Variants in PPP2R5E observed in about 807,000 individuals in gnomAD.
The protein encoded by PPP2R5E is serine/threonine-protein phosphatase 2A 56 kDa regulatory subunit epsilon isoform.
A neutral mutation model predicts 65.3 loss-of-function variants in PPP2R5E; 4 were observed. The observed-to-expected ratio is 0.06, with a 90% confidence interval of 0.03 to 0.14. The LOEUF (loss-of-function observed/expected upper bound fraction) is 0.14. Ranked by LOEUF, PPP2R5E falls within the 10% of genes least tolerant of loss-of-function variation. The pLI, the probability that PPP2R5E is intolerant of heterozygous loss-of-function variation, is 1.00. For missense variants in PPP2R5E, 274 were observed against 556.1 expected (o/e 0.49, Z 5.10); for synonymous variants, 183 against 187.4 (o/e 0.98, Z 0.19).
Position 63,391,958 on chromosome 14 carries a change from G to GA in PPP2R5E, c.903+13dup. ...TTTTTCTTAAGTTTTTGAAATTATG[G>GA]AAAAAAGACTTACTGGTTCTGTGAG... On this transcript the variant is annotated intron_variant, in intron 9 of 13. Coordinates refer to ENST00000337537, the MANE Select transcript of PPP2R5E (RefSeq NM_006246.5). 1 of 1,607,572 alleles carries GA rather than the reference G, an allele frequency of 6.2e-7. No individual in the cohort carries two copies.
intron 3 of PPP2R5E, among the ~76,000 whole-genome samples, chr14:63,425,861 T>G (rs1256734375): frequency 6.6e-6 from 1 of 152,250 alleles, no homozygotes; most frequent in African/African-American, 2.4e-5. Flanking sequence ...TCTAATCTTC[T>G]GACTTAGTCA....
chr14:63,467,119 G>A (rs765432048), intron 2 of PPP2R5E, among the ~76,000 whole-genome samples: 1 of 151,572 alleles, frequency 6.6e-6, no homozygotes, highest in Admixed American at 6.6e-5. Flanking sequence ...CCAGCTACTC[G>A]GGAGGCTGAG....
chr14:63,399,022 A>G (rs1885576459), intron 5 of PPP2R5E, among the ~76,000 whole-genome samples: 2 of 152,226 alleles, frequency 1.3e-5, no homozygotes, highest in Admixed American at 1.3e-4. Flanking sequence ...TCATGTATAT[A>G]TCCAGCAGAA....
At chr14:63,475,279 A>T (rs1434719733) in intron 2 of PPP2R5E, among the ~76,000 whole-genome samples, 4 of 152,350 alleles carry the variant, frequency 2.6e-5, no homozygotes, top group Non-Finnish European at 5.9e-5. Context: ...GCTCTGGGCC[A>T]CATTATATCT....
intron 4 of PPP2R5E, among the ~76,000 whole-genome samples, chr14:63,421,770 T>C (rs779299550): frequency 2.0e-5 from 3 of 152,236 alleles, no homozygotes; most frequent in Non-Finnish European, 2.9e-5. Flanking sequence ...TGGCTGTACC[T>C]GCAACGTGGG....
intron 13 of PPP2R5E, 113 bp downstream of exon 13, chr14:63,381,943 A>C (rs1884390565): frequency 1.3e-6 from 1 of 769,274 alleles, no homozygotes. Context: ...GCATGACTGT[A>C]AACAAAATTG....
chr14:63,430,421 G>GCATACATACATACATACATACATACATA (rs1173499980), intron 3 of PPP2R5E, among the ~76,000 whole-genome samples: 3 of 144,072 alleles, frequency 2.1e-5, no homozygotes, highest in African/African-American at 7.9e-5. Flanking sequence ...ATACATACAT[G>GCATACATACATACATACATACATACATA]CATACATACA....
At chr14:63,518,391 A>G (rs1457987038) in intron 2 of PPP2R5E, among the ~76,000 whole-genome samples, 1 of 151,480 alleles carries the variant, frequency 6.6e-6, no homozygotes, top group Non-Finnish European at 1.5e-5. Flanking sequence ...ACAGGTATAC[A>G]TCACCATGCC....
intron 5 of PPP2R5E, among the ~76,000 whole-genome samples, chr14:63,400,784 AATCCACCC>A (rs1166783142): frequency 6.6e-6 from 1 of 151,760 alleles, no homozygotes; most frequent in East Asian, 1.9e-4. Flanking sequence ...CCACCTACCC[AATCCACCC>A]ATCCACCCAT....
intron 2 of PPP2R5E, among the ~76,000 whole-genome samples, chr14:63,466,288 A>C (rs2139534169): frequency 6.8e-6 from 1 of 147,924 alleles, no homozygotes; most frequent in East Asian, 1.9e-4. Flanking sequence ...AAAAAAAAAC[A>C]ACAACAAGAG....
chr14:63,403,061 G>A (rs947441062), intron 5 of PPP2R5E, among the ~76,000 whole-genome samples: 3 of 152,162 alleles, frequency 2.0e-5, no homozygotes, highest in Admixed American at 1.3e-4. Flanking sequence ...ACTGGAAGCT[G>A]GAAAACAATG....
chr14:63,536,588 T>C (rs532383429), intron 2 of PPP2R5E, among the ~76,000 whole-genome samples: 1 of 152,318 alleles, frequency 6.6e-6, no homozygotes, highest in South Asian at 2.1e-4. Context: ...CACAGCAGCA[T>C]TATTCACAAT....
rs145691954 is a variant in PPP2R5E at position 63,407,085 on chromosome 14, T to G, written c.549+8055A>C. Among the ~76,000 whole-genome samples, 100 of 152,334 alleles carry G rather than the reference T, an allele frequency of 6.6e-4. No homozygotes were observed. In the East Asian group the frequency reaches 0.018, roughly 27 times the overall value. On this transcript the variant is annotated intron_variant, in intron 5 of 13. Transcript: ENST00000337537. ...TTGGGAATACTTCTGAGAGTTTGTATAGGTATTTAGTTGTTAAATCTCCAC... is the reference window on the plus strand; with the variant it reads ...TTGGGAATACTTCTGAGAGTTTGTAGAGGTATTTAGTTGTTAAATCTCCAC...
At chr14:63,462,232 G>C (rs545880133) in intron 2 of PPP2R5E, among the ~76,000 whole-genome samples, 1 of 151,914 alleles carries the variant, frequency 6.6e-6, no homozygotes, top group African/African-American at 2.4e-5. Context: ...CACCTTGCCC[G>C]GCTAATTTTT....
intron 3 of PPP2R5E, among the ~76,000 whole-genome samples, chr14:63,448,936 A>T (rs2139459719): frequency 6.6e-6 from 1 of 152,310 alleles, no homozygotes; most frequent in African/African-American, 2.4e-5. Context: ...TTTAATTGTT[A>T]AAAATGGTTT....
At chr14:63,402,600 G>A (rs999966211) in intron 5 of PPP2R5E, among the ~76,000 whole-genome samples, 1 of 151,876 alleles carries the variant, frequency 6.6e-6, no homozygotes, top group Non-Finnish European at 1.5e-5. Flanking sequence ...TATTCAGGTG[G>A]ATATTCAGGA....
intron 2 of PPP2R5E, among the ~76,000 whole-genome samples, chr14:63,503,813 G>C (rs960345632): frequency 3.3e-5 from 5 of 152,164 alleles, no homozygotes; most frequent in Non-Finnish European, 5.9e-5. Flanking sequence ...CCGATGGCAA[G>C]ATGTGAGGAA....
chr14:63,519,506 A>ACTT (rs1892799920), intron 2 of PPP2R5E, among the ~76,000 whole-genome samples: 1 of 107,854 alleles, frequency 9.3e-6, no homozygotes, highest in African/African-American at 6.2e-5. Context: ...ATGCCCAGCT[A>ACTT]ATTTTTTTTT....
intron 2 of PPP2R5E, among the ~76,000 whole-genome samples, chr14:63,520,563 C>T (rs1304423586): frequency 1.3e-5 from 2 of 152,240 alleles, no homozygotes; most frequent in East Asian, 3.9e-4. Flanking sequence ...TATCATATGG[C>T]TCAACAGAAA....
Sources: gnomAD v4.1 joint callset for allele counts (sites outside exome capture counted in the v4.1 genomes callset) on GRCh38, gnomAD v4.1.1 for gene constraint, MANE v1.5 for transcripts, NCBI Gene and HGNC (gene_info 2026-07-23, HGNC 2026-07-21) for gene names.